The following CAP2 variants were observed in gnomAD, a reference collection of about 807,000 sequenced individuals.
CAP2 encodes the protein adenylyl cyclase-associated protein 2.
CAP2 carries 24 observed loss-of-function variants against 57.7 expected under a neutral mutation model. The observed-to-expected ratio is 0.42, with a 90% CI of 0.30 to 0.58. CAP2 has a LOEUF of 0.58. Ranked by LOEUF, CAP2 falls within the 20% of genes least tolerant of loss-of-function variation. The pLI, the probability that CAP2 is intolerant of heterozygous loss-of-function variation, is 0.22. For synonymous variants in CAP2, 194 were observed against 207.2 expected (o/e 0.94, Z 0.55); for missense variants, 501 against 590.3 (o/e 0.85, Z 1.57).
At chr6:17,432,194 T>C (rs868717168) in intron 3 of CAP2, among the ~76,000 whole-genome samples, 8 of 152,226 alleles carry the variant, frequency 5.3e-5, no homozygotes, top group African/African-American at 1.9e-4. Flanking sequence ...ATTTTACGGA[T>C]GGTATCTTGT....
intron 6 of CAP2, among the ~76,000 whole-genome samples, chr6:17,508,755 CT>C (rs10635657): frequency 3.5e-4 from 51 of 144,990 alleles, no homozygotes; most frequent in Non-Finnish European, 4.1e-4. Context: ...AATTCACCTT[CT>C]TTTTTTTTTT....
chr6:17,433,942 G>A (rs1417896506), intron 3 of CAP2, among the ~76,000 whole-genome samples: 3 of 151,986 alleles, frequency 2.0e-5, no homozygotes, highest in Admixed American at 1.3e-4. Flanking sequence ...TTTGGGGACC[G>A]GCCAGTAAGA....
At chr6:17,437,232 A>G (rs1759917413) in intron 3 of CAP2, among the ~76,000 whole-genome samples, 2 of 152,058 alleles carry the variant, frequency 1.3e-5, no homozygotes, top group African/African-American at 2.4e-5. Context: ...CATGAAATTG[A>G]CCCTTGGTGC....
intron 7 of CAP2, among the ~76,000 whole-genome samples, chr6:17,529,758 A>G (rs1011353077): frequency 1.3e-5 from 2 of 151,778 alleles, no homozygotes; most frequent in African/African-American, 4.8e-5. Context: ...TAAAACTGGT[A>G]GTTCTTTCTT....
At chr6:17,432,749 GCTT>G (rs1759770707) in intron 3 of CAP2, among the ~76,000 whole-genome samples, 1 of 150,740 alleles carries the variant, frequency 6.6e-6, no homozygotes, top group Non-Finnish European at 1.5e-5. Context: ...TCTTTTTCTT[GCTT>G]CTTTCTTCCC....
At chr6:17,516,865 T>G (rs1189310088) in intron 7 of CAP2, among the ~76,000 whole-genome samples, 3 of 152,244 alleles carry the variant, frequency 2.0e-5, no homozygotes, top group Non-Finnish European at 4.4e-5. Context: ...GACTGATGTT[T>G]CTTTTTATAT....
chr6:17,458,860 A>G (rs1324751263), intron 3 of CAP2, among the ~76,000 whole-genome samples: 1 of 149,968 alleles, frequency 6.7e-6, no homozygotes, highest in Non-Finnish European at 1.5e-5. Flanking sequence ...ACCGAATCAC[A>G]GAATTTTTCC....
At chr6:17,515,939 A>T (rs1762266566) in intron 7 of CAP2, among the ~76,000 whole-genome samples, 1 of 152,200 alleles carries the variant, frequency 6.6e-6, no homozygotes, top group African/African-American at 2.4e-5. Flanking sequence ...TCCTGAACAA[A>T]GCCAGTGCTT....
chr6:17,395,242 T>C (rs1758637790), intron 1 of CAP2, among the ~76,000 whole-genome samples: 1 of 152,190 alleles, frequency 6.6e-6, no homozygotes. Flanking sequence ...ATAGTAAACA[T>C]GTAGGTTTTG....
In CAP2 at chr6:17,535,721, G is replaced by A. The variant is rs549084887; in HGVS notation, c.637-3548G>A. Among the ~76,000 whole-genome samples the A allele has an allele frequency of 3.9e-5, 6 of 152,152 alleles. No individual in the cohort carries two copies. In the South Asian group the frequency reaches 1.0e-3, roughly 26 times the overall value. ...TAAACAGCCTTTCTGATTTCCTGCCGTATTTTTGTTAAAGAGATATTTCAG... is the reference window on the plus strand; with the variant it reads ...TAAACAGCCTTTCTGATTTCCTGCCATATTTTTGTTAAAGAGATATTTCAG... On this transcript the variant is annotated intron_variant, in intron 7 of 12. Transcript: ENST00000229922.
chr6:17,521,950 A>G (rs1251940372), intron 7 of CAP2, among the ~76,000 whole-genome samples: 1 of 152,076 alleles, frequency 6.6e-6, no homozygotes, highest in South Asian at 2.1e-4. Context: ...CTCTACTAAA[A>G]ATACAAAAAT....
At chr6:17,485,575 G>C (rs1232056381) in intron 4 of CAP2, among the ~76,000 whole-genome samples, 1 of 152,146 alleles carries the variant, frequency 6.6e-6, no homozygotes, top group East Asian at 1.9e-4. Flanking sequence ...TTGTCAGTCT[G>C]TTTATTACTC....
intron 7 of CAP2, chr6:17,536,419 G>T (rs1486767521): frequency 2.5e-6 from 1 of 404,086 alleles, no homozygotes; most frequent in African/African-American, 2.1e-5. Flanking sequence ...GGGCCGATAT[G>T]GGAATAAGCC....
intron 3 of CAP2, among the ~76,000 whole-genome samples, chr6:17,431,246 C>T (rs768991965): frequency 2.4e-4 from 37 of 151,918 alleles, no homozygotes; most frequent in Admixed American, 3.9e-4. Flanking sequence ...ACCAAACCTC[C>T]GCGACACAAA....
chr6:17,551,541 CTG>C lies in CAP2; in HGVS notation c.1290_1291del (p.Cys430Ter), dbSNP rs1252204920. 2 of 1,611,206 alleles carry C rather than the reference CTG, an allele frequency of 1.2e-6. No individual in the cohort carries two copies. The highest frequency in any genetic ancestry group is 1.7e-6 in the Non-Finnish European group (2 of 1,177,650). ...TATACCTCAGTGAAGATGCATTAGA[CTG>C]TGAGATCGTGAGCGCCAAGTCATCT... ...HIYLSEDALD[C>X]EIVSAKSSEM... On this transcript the variant is annotated frameshift_variant, in exon 12 of 13. Transcript: ENST00000229922. LOFTEE classifies it high-confidence loss of function.
Position 17,421,593 on chromosome 6 carries a change from G to A in CAP2, c.38G>A (p.Arg13Gln), listed in dbSNP as rs201044058. Residue 13 changes from arginine (R) to glutamine (Q), a missense_variant, in exon 2 of 13, where the codon CGA becomes CAA. By Grantham distance (43) the Arg-to-Gln change is conservative (BLOSUM62 1). Transcript: ENST00000229922. ...NMQGLVERLERAVSRLESLSA... is the reference protein window; with the variant it reads ...NMQGLVERLEQAVSRLESLSA... ...CAGGGACTGGTGGAAAGACTGGAAC[G>A]AGCTGTCAGCCGCCTGGAGTCGCTG... 338 of 1,614,072 alleles carry A rather than the reference G, an allele frequency of 2.1e-4. No homozygotes were observed. The highest frequency in any genetic ancestry group is 9.0e-5 in the Non-Finnish European group (106 of 1,179,970).
intron 3 of CAP2, among the ~76,000 whole-genome samples, chr6:17,430,121 G>A (rs1323722950): frequency 2.6e-5 from 4 of 152,168 alleles, no homozygotes; most frequent in South Asian, 2.1e-4. Context: ...ATGATTTAAC[G>A]TCTGTCTCGA....
chr6:17,556,643 T>C lies in CAP2; in HGVS notation c.*201T>C. On this transcript the variant is annotated 3_prime_UTR_variant, in exon 13 of 13. Coordinates refer to ENST00000229922, the MANE Select transcript of CAP2 (RefSeq NM_006366.3). ...TTAACGTTTCCTCATGATTTGCCTT[T>C]GTGTGTGATTTTAGTTCCACATGAT... 2 of 547,940 alleles carry C rather than the reference T, an allele frequency of 3.7e-6. No individual in the cohort carries two copies. Among genetic ancestry groups the C allele is most frequent in the Non-Finnish European group, 6.5e-6 (2 of 306,266 alleles). 33.9% of individuals were successfully genotyped at this position (547,940 alleles called of 1,614,324 possible). A position where few individuals can be genotyped will look rare whatever the true frequency, so the allele number is the denominator to read the frequency against.
chr6:17,521,844 C>G, intron 7 of CAP2, among the ~76,000 whole-genome samples: 1 of 152,122 alleles, frequency 6.6e-6, no homozygotes, highest in Admixed American at 6.5e-5. Context: ...CGCGGTACCT[C>G]AAGCCTGTAA....
Sources: allele counts gnomAD v4.1 joint callset (sites outside exome capture counted in the v4.1 genomes callset), GRCh38; gene constraint gnomAD v4.1.1; transcripts MANE v1.5; gene names NCBI Gene and HGNC (gene_info 2026-07-23, HGNC 2026-07-21).